The following ABCB7 variants were observed in gnomAD, a reference collection of about 807,000 sequenced individuals.
ABCB7 encodes iron-sulfur clusters transporter ABCB7, mitochondrial.
ABCB7 carries 7 observed loss-of-function variants against 54.4 expected under a neutral mutation model. The observed-to-expected ratio is 0.13, with a 90% confidence interval of 0.07 to 0.24. The LOEUF (loss-of-function observed/expected upper bound fraction) is 0.24, where lower values mean the gene tolerates loss of function less well. ABCB7 is among the 10% of genes least tolerant of loss of function. The pLI is 1.00. For synonymous variants in ABCB7, 218 were observed against 207.1 expected (o/e 1.05, Z -0.45); for missense variants, 356 against 570.4 (o/e 0.62, Z 3.83).
chrX:75,086,642 G>C (rs2081499687), intron 4 of ABCB7, among the ~76,000 whole-genome samples: 2 of 111,559 alleles, frequency 1.8e-5, no homozygotes, highest in Admixed American at 1.9e-4. Flanking sequence ...ATTCACAAAA[G>C]AATCAGGAGA....
Position 75,051,458 on chromosome X carries a change from T to C in ABCB7, c.*1912A>G, listed in dbSNP as rs1404420375. 8.9e-6 allele frequency: 1 copy of C among 112,281 alleles called. No homozygotes were observed. The highest frequency in any genetic ancestry group is 1.9e-5 in the Non-Finnish European group (1 of 53,241). The allele number at this position is 112,281 out of a possible 1,213,427, so 9.3% of individuals were successfully genotyped here. ...GAAATAAAACCTTATTACATAGTTATGTGGCCATTCATGAGGTGCATATGT... is the reference window on the plus strand; with the variant it reads ...GAAATAAAACCTTATTACATAGTTACGTGGCCATTCATGAGGTGCATATGT... On this transcript the variant is annotated 3_prime_UTR_variant, in exon 16 of 16. Coordinates refer to ENST00000373394, the MANE Select transcript of ABCB7 (RefSeq NM_001271696.3).
intron 10 of ABCB7, among the ~76,000 whole-genome samples, chrX:75,069,860 T>TTTTATTTATTTA (rs58703477): frequency 1.8e-5 from 2 of 110,185 alleles, no homozygotes; most frequent in African/African-American, 6.7e-5. Flanking sequence ...CATTGTAAGA[T>TTTTATTTATTTA]TTTATTTATT....
At chrX:75,089,354 A>G (rs2081526156) in intron 4 of ABCB7, among the ~76,000 whole-genome samples, 1 of 111,493 alleles carries the variant, frequency 9.0e-6, no homozygotes, top group African/African-American at 3.2e-5. Flanking sequence ...AACAGCAACA[A>G]TGTATTGGTA....
intron 1 of ABCB7, among the ~76,000 whole-genome samples, chrX:75,129,567 C>T (rs1017529012): frequency 4.6e-5 from 5 of 107,819 alleles, no homozygotes; most frequent in Admixed American, 2.0e-4. Flanking sequence ...GCACGTTCTG[C>T]ACGTGTATCC....
intron 4 of ABCB7, among the ~76,000 whole-genome samples, chrX:75,094,033 T>C (rs984946249): frequency 3.0e-5 from 1 of 33,088 alleles, no homozygotes; most frequent in Non-Finnish European, 1.5e-4. Flanking sequence ...TATATATATA[T>C]ATATATATAT....
intron 3 of ABCB7, among the ~76,000 whole-genome samples, chrX:75,109,562 C>T: frequency 9.0e-6 from 1 of 111,373 alleles, no homozygotes; most frequent in Non-Finnish European, 1.9e-5. Context: ...TCTAAGAATT[C>T]TGGTTTTACA....
At chrX:75,111,206 T>C (rs563280802) in intron 3 of ABCB7, among the ~76,000 whole-genome samples, 6 of 112,574 alleles carry the variant, frequency 5.3e-5, no homozygotes, top group African/African-American at 1.9e-4. Context: ...TATTCTGCCA[T>C]GTTGTTAAGT....
At chrX:75,124,811 G>A (rs1350948356) in intron 1 of ABCB7, among the ~76,000 whole-genome samples, 2 of 111,416 alleles carry the variant, frequency 1.8e-5, no homozygotes, top group African/African-American at 6.5e-5. Context: ...TGGACAGAAT[G>A]GAGAAATTAT....
intron 4 of ABCB7, among the ~76,000 whole-genome samples, chrX:75,082,895 A>C (rs774538699): frequency 2.2e-4 from 25 of 111,672 alleles, no homozygotes; most frequent in Admixed American, 4.8e-4. Context: ...ATAAAAGGTG[A>C]CAGTAAAGGT....
intron 1 of ABCB7, among the ~76,000 whole-genome samples, chrX:75,135,324 A>G (rs772167733): frequency 2.7e-4 from 30 of 111,236 alleles, no homozygotes; most frequent in Non-Finnish European, 5.3e-4. Flanking sequence ...AAACTGACAC[A>G]GTAATAAAAA....
chrX:75,060,105 G>A, intron 15 of ABCB7, 118 bp downstream of exon 15: 1 of 591,586 alleles, frequency 1.7e-6, no homozygotes, highest in Non-Finnish European at 2.8e-6. Flanking sequence ...GCTAAAAACA[G>A]AATCGTAACA....
rs770378068 is a variant in ABCB7 at position 75,126,089 on chromosome X, C to CT, written c.169-11259dup. ...CTGCTAGAAGCATTTTAAGAGCTAA[C>CT]TTTTTTTTAAAGCTGGCTGGCTTGA... On this transcript the variant is annotated intron_variant, in intron 1 of 15. Transcript: ENST00000373394. Among the ~76,000 whole-genome samples the CT allele has an allele frequency of 4.6e-3, 516 of 111,416 alleles. 5 individuals carry two copies. The highest frequency in any genetic ancestry group is 5.3e-3 in the Non-Finnish European group (283 of 52,936).
intron 2 of ABCB7, among the ~76,000 whole-genome samples, chrX:75,113,364 T>C (rs1408353566): frequency 6.2e-5 from 7 of 112,421 alleles, no homozygotes; most frequent in Non-Finnish European, 1.1e-4. Flanking sequence ...TTGCTTTCCT[T>C]GTGTATACAT....
At chrX:75,135,356 C>T (rs2082002328) in intron 1 of ABCB7, among the ~76,000 whole-genome samples, 1 of 110,861 alleles carries the variant, frequency 9.0e-6, no homozygotes, top group Admixed American at 9.6e-5. Context: ...AGGAAAAGCC[C>T]TGGAACAGAC....
chrX:75,091,146 A>G (rs767960290), intron 4 of ABCB7, among the ~76,000 whole-genome samples: 1 of 111,166 alleles, frequency 9.0e-6, no homozygotes, highest in Admixed American at 9.5e-5. Flanking sequence ...AACCAAAGAC[A>G]TTACAAGAAA....
chrX:75,133,240 C>T (rs1412517175), intron 1 of ABCB7, among the ~76,000 whole-genome samples: 4 of 111,805 alleles, frequency 3.6e-5, no homozygotes, highest in Non-Finnish European at 7.5e-5. Context: ...AATCTCAAAG[C>T]TCAAAAACAG....
chrX:75,101,717 T>G (rs1407332920), intron 3 of ABCB7, among the ~76,000 whole-genome samples: 1 of 111,755 alleles, frequency 8.9e-6, no homozygotes, highest in African/African-American at 3.2e-5. Context: ...CTTTTCTTGA[T>G]GGAATAATGG....
rs757074347 is a variant in ABCB7 at position 75,104,047 on chromosome X, G to GTTTTTTTTTTTTTTTTTTTTTTTTT, written c.334-5011_334-4987dup. ...AAATGGGCATCCCTGTCTTGTTACA[G>GTTTTTTTTTTTTTTTTTTTTTTTTT]TTTTTTTTTTTTTTTTTTTTTTTTT... is the stretch of plus-strand genomic sequence containing the variant. On this transcript the variant is annotated intron_variant, in intron 3 of 15. Coordinates refer to ENST00000373394, the MANE Select transcript of ABCB7 (RefSeq NM_001271696.3). 2.4e-3 allele frequency among the ~76,000 whole-genome samples: 32 copies of GTTTTTTTTTTTTTTTTTTTTTTTTT among 13,444 alleles called. 5 individuals carry two copies. The highest frequency in any genetic ancestry group is 8.0e-3 in the Admixed American group (4 of 502). 11.7% of individuals were successfully genotyped at this position (13,444 alleles called of 115,157 possible).
rs1327692763 is a variant in ABCB7, at chrX:75,051,543, G to C, written c.*1827C>G. On this transcript the variant is annotated 3_prime_UTR_variant, in exon 16 of 16. Transcript: ENST00000373394. ...AGCAAGTTCATACTGGAAAAGAGAAGAACTTTCTAAGTGAATGTATAGCAA... is the reference window on the plus strand; with the variant it reads ...AGCAAGTTCATACTGGAAAAGAGAACAACTTTCTAAGTGAATGTATAGCAA... 8.9e-6 allele frequency: 1 copy of C among 112,339 alleles called. No homozygotes were observed. The highest frequency in any genetic ancestry group is 3.2e-5 in the African/African-American group (1 of 30,958). 9.3% of individuals were successfully genotyped at this position (112,339 alleles called of 1,213,427 possible).
Sources: gnomAD v4.1 joint callset for allele counts (sites outside exome capture counted in the v4.1 genomes callset) on GRCh38, gnomAD v4.1.1 for gene constraint, MANE v1.5 for transcripts, NCBI Gene and HGNC (gene_info 2026-07-23, HGNC 2026-07-21) for gene names.